SLC35F5: variants seen among roughly 807,000 people sequenced by gnomAD.
SLC35F5 encodes HCV NS5A-transactivated protein 3.
SLC35F5 carries 54 observed loss-of-function variants against 68.6 expected under a neutral mutation model. The ratio of observed to expected loss-of-function variants is 0.79; its 90% CI spans 0.63 to 0.99. SLC35F5 has a LOEUF of 0.99. Among genes scored for constraint, SLC35F5 ranks in the 50% least tolerant of loss-of-function variants. The pLI, the probability that SLC35F5 is intolerant of heterozygous loss-of-function variation, is 0.00. For missense variants in SLC35F5, 567 were observed against 626.9 expected (o/e 0.90, Z 1.02); for synonymous variants, 211 against 205.2 (o/e 1.03, Z -0.24).
In SLC35F5 at chr2:113,711,744, CTAAAA is replaced by C. The variant is rs1351897409; in HGVS notation, c.*3469_*3473del. Among the ~76,000 whole-genome samples the C allele has an allele frequency of 4.6e-5, 7 of 152,016 alleles. No individual in the cohort carries two copies. The highest frequency in any genetic ancestry group is 1.4e-4 in the African/African-American group (6 of 41,392). On this transcript the variant is annotated 3_prime_UTR_variant, in exon 16 of 16. Coordinates refer to ENST00000245680, the MANE Select transcript of SLC35F5 (RefSeq NM_025181.5). ...AGGTAATTATTTCTGTTAACTCCTCCTAAAATATTATTTAGTAATAAAGAATATTT... is the reference window on the plus strand; with the variant it reads ...AGGTAATTATTTCTGTTAACTCCTCCTATTATTTAGTAATAAAGAATATTT...
chr2:113,723,172 A>T lies in SLC35F5; in HGVS notation c.1273T>A (p.Leu425Met). 6.3e-7 allele frequency: 1 copy of T among 1,592,074 alleles called. No individual in the cohort carries two copies. The highest frequency in any genetic ancestry group is 8.5e-7 in the Non-Finnish European group (1 of 1,169,944). Residue 425 changes from leucine to methionine, a missense_variant, in exon 13 of 16, where the codon TTG becomes ATG. Leu to Met is a conservative substitution (Grantham distance 15, BLOSUM62 2). Transcript: ENST00000245680. ...AGGCTTAGTGCAAGTGTGCCTATCA[A>T]TGATGAGGTAAGAAAGCAGCCCCTA... ...WLWGCFLTSS[L>M]IGTLALSLTI...
rs1276660435 is a variant in SLC35F5 at position 113,723,172 on chromosome 2, A to G, written c.1273T>C (p.Leu425=). ...WLWGCFLTSS[L]IGTLALSLTI... ...AGGCTTAGTGCAAGTGTGCCTATCA[A>G]TGATGAGGTAAGAAAGCAGCCCCTA... is the stretch of plus-strand genomic sequence containing the variant. Residue 425 remains leucine, a synonymous_variant, in exon 13 of 16, where the codon TTG becomes CTG. Transcript: ENST00000245680. 6.3e-7 allele frequency: 1 copy of G among 1,592,074 alleles called. No individual in the cohort carries two copies. Among genetic ancestry groups the G allele is most frequent in the Non-Finnish European group, 8.5e-7 (1 of 1,169,944 alleles).
chr2:113,751,364 T>G (rs1392235768), intron 3 of SLC35F5, among the ~76,000 whole-genome samples: 1 of 152,198 alleles, frequency 6.6e-6, no homozygotes, highest in East Asian at 1.9e-4. Flanking sequence ...TGTTTGTTTT[T>G]AGTGTATTGT....
At chr2:113,730,739 A>G (rs1687849999) in intron 10 of SLC35F5, among the ~76,000 whole-genome samples, 1 of 152,180 alleles carries the variant, frequency 6.6e-6, no homozygotes, top group Non-Finnish European at 1.5e-5. Context: ...CAGCCCAGCT[A>G]GGTTCTGATT....
At chr2:113,746,776 A>G (rs1230220192) in intron 4 of SLC35F5, among the ~76,000 whole-genome samples, 1 of 152,036 alleles carries the variant, frequency 6.6e-6, no homozygotes, top group South Asian at 2.1e-4. Flanking sequence ...AATACAAAAA[A>G]ATTAGCTAGC....
chr2:113,723,854 G>T (rs1162516439), intron 12 of SLC35F5, among the ~76,000 whole-genome samples: 1 of 152,088 alleles, frequency 6.6e-6, no homozygotes, highest in African/African-American at 2.4e-5. Flanking sequence ...ATACAATTTT[G>T]TTGAATTGAA....
In SLC35F5 at chr2:113,709,487, C is replaced by G. The variant is rs1000907660; in HGVS notation, c.*5731G>C. Among the ~76,000 whole-genome samples, 2 of 152,224 alleles carry G rather than the reference C, an allele frequency of 1.3e-5. No individual in the cohort carries two copies. Among genetic ancestry groups the G allele is most frequent in the Non-Finnish European group, 2.9e-5 (2 of 68,026 alleles). On this transcript the variant is annotated 3_prime_UTR_variant, in exon 16 of 16. Transcript: ENST00000245680. ...AGTCAGCATTTTTCAAGCATCCAGG[C>G]ACGCTGGGCCTGGTATTTCAATTAG... is the stretch of plus-strand genomic sequence containing the variant.
intron 7 of SLC35F5, among the ~76,000 whole-genome samples, chr2:113,740,627 TTC>T (rs747294653): frequency 3.9e-5 from 6 of 152,258 alleles, no homozygotes; most frequent in Non-Finnish European, 8.8e-5. Context: ...CAGGATTTTT[TTC>T]TTTTTCTTTT....
At chr2:113,726,487 T>C (rs1407979896) in intron 11 of SLC35F5, among the ~76,000 whole-genome samples, 2 of 152,238 alleles carry the variant, frequency 1.3e-5, no homozygotes, top group Non-Finnish European at 2.9e-5. Context: ...TATATAGCTT[T>C]CTTAAAAGAA....
chr2:113,733,839 A>G (rs937441965), intron 9 of SLC35F5, among the ~76,000 whole-genome samples: 3 of 152,302 alleles, frequency 2.0e-5, no homozygotes, highest in African/African-American at 4.8e-5. Context: ...CTCTTATTCA[A>G]TCTCAGCTTT....
intron 15 of SLC35F5, among the ~76,000 whole-genome samples, chr2:113,716,409 C>G (rs1687186304): frequency 6.6e-6 from 1 of 152,146 alleles, no homozygotes; most frequent in African/African-American, 2.4e-5. Flanking sequence ...CTACATAGCT[C>G]AGTCATAAGT....
At chr2:113,733,521 G>A (rs947501073) in intron 9 of SLC35F5, 12 of 202,576 alleles carry the variant, frequency 5.9e-5, no homozygotes, top group Admixed American at 1.3e-4. Flanking sequence ...AAATTTGCTC[G>A]GCTTAAAACA....
At chr2:113,720,354 CAT>C (rs1687382793) in intron 13 of SLC35F5, among the ~76,000 whole-genome samples, 1 of 149,070 alleles carries the variant, frequency 6.7e-6, no homozygotes, top group South Asian at 2.1e-4. Flanking sequence ...GGCATGGAAT[CAT>C]AGGTAAGACT....
rs1023148194 is a variant in SLC35F5 at position 113,708,013 on chromosome 2, C to T, written c.*7205G>A. Reference sequence around the variant, plus strand: ...AATGTCCTGTCTGCATTCCTCCTAGCCTCTCTCTGCTCAGGTTTTGGAAAA... The same window carrying T: ...AATGTCCTGTCTGCATTCCTCCTAGTCTCTCTCTGCTCAGGTTTTGGAAAA... On this transcript the variant is annotated 3_prime_UTR_variant, in exon 16 of 16. Coordinates refer to ENST00000245680, the MANE Select transcript of SLC35F5 (RefSeq NM_025181.5). Among the ~76,000 whole-genome samples the T allele has an allele frequency of 1.6e-5, 2 of 125,648 alleles. No individual in the cohort carries two copies. Among genetic ancestry groups the T allele is most frequent in the Admixed American group, 1.5e-4 (2 of 13,316 alleles). The allele number at this position is 125,648 out of a possible 152,430, so 82.4% of individuals were successfully genotyped here. A position where few individuals can be genotyped will look rare whatever the true frequency, so the allele number is the denominator to read the frequency against.
rs1334387517 is a variant in SLC35F5 at position 113,707,714 on chromosome 2, C to T, written c.*7504G>A. Among the ~76,000 whole-genome samples the T allele has an allele frequency of 6.6e-6, 1 of 152,050 alleles. No individual in the cohort carries two copies. The highest frequency in any genetic ancestry group is 2.4e-5 in the African/African-American group (1 of 41,380). ...AGCTGGGACTACAGGCGTGCACCAC[C>T]ATGCCTGGCTAATTTTTTGTATTTT... On this transcript the variant is annotated 3_prime_UTR_variant, in exon 16 of 16. Coordinates refer to ENST00000245680, the MANE Select transcript of SLC35F5 (RefSeq NM_025181.5).
At chr2:113,747,027 C>T (rs1183612734) in intron 4 of SLC35F5, among the ~76,000 whole-genome samples, 1 of 151,928 alleles carries the variant, frequency 6.6e-6, no homozygotes, top group South Asian at 2.1e-4. Flanking sequence ...TGGCTCACAC[C>T]TGTAATCCCG....
rs983079905 is a variant in SLC35F5, at chr2:113,713,675, C to T, written c.*1543G>A. 1 of 143,666 alleles carries T rather than the reference C, an allele frequency of 7.0e-6. No individual in the cohort carries two copies. The highest frequency in any genetic ancestry group is 7.2e-5 in the Admixed American group (1 of 13,986). 8.9% of individuals were successfully genotyped at this position (143,666 alleles called of 1,614,324 possible). On this transcript the variant is annotated 3_prime_UTR_variant, in exon 16 of 16. Coordinates refer to ENST00000245680, the MANE Select transcript of SLC35F5 (RefSeq NM_025181.5). The stretch of plus-strand genomic sequence containing the variant: ...CAGGTCAAAAGTATAATAAACTCAA[C>T]ATTATTTTTAACTTGCGTTATTGGT...
rs1574233079 is a variant in SLC35F5 at position 113,729,426 on chromosome 2, G to A, written c.1065C>T (p.Asp355=). 2 of 1,573,994 alleles carry A rather than the reference G, an allele frequency of 1.3e-6. No individual in the cohort carries two copies. The highest frequency in any genetic ancestry group is 1.7e-6 in the Non-Finnish European group (2 of 1,153,096). Residue 355 remains aspartate (D), a synonymous_variant, in exon 11 of 16, where the codon GAC becomes GAT. Coordinates refer to ENST00000245680, the MANE Select transcript of SLC35F5 (RefSeq NM_025181.5). ...CAAAGAACATTGGAATATCCAACTT[G>A]TCTTCTCTATCTACTTTTCTCTTAA... The part of the protein sequence containing the change: ...VMIKRKVDRE[D]KLDIPMFFGF...
At chr2:113,740,913 C>A (rs1676247868) in intron 7 of SLC35F5, among the ~76,000 whole-genome samples, 1 of 152,188 alleles carries the variant, frequency 6.6e-6, no homozygotes, top group Non-Finnish European at 1.5e-5. Context: ...GCGTGAGCCA[C>A]CCAGCCTGGC....
Sources: gnomAD v4.1 joint callset for allele counts (sites outside exome capture counted in the v4.1 genomes callset) on GRCh38, gnomAD v4.1.1 for gene constraint, MANE v1.5 for transcripts, NCBI Gene and HGNC (gene_info 2026-07-23, HGNC 2026-07-21) for gene names.